Variants in RPRD2 observed in about 807,000 individuals in gnomAD.
The protein encoded by RPRD2 is regulation of nuclear pre-mRNA domain-containing protein 2.
RPRD2 carries 12 observed loss-of-function variants against 104.4 expected under a neutral mutation model. That is an observed-to-expected ratio of 0.11 (90% confidence interval 0.07 to 0.19). The LOEUF (loss-of-function observed/expected upper bound fraction) is 0.19, where lower values mean the gene tolerates loss of function less well. Ranked by LOEUF, RPRD2 falls within the 10% of genes least tolerant of loss-of-function variation. The pLI, the probability that RPRD2 is intolerant of heterozygous loss-of-function variation, is 1.00. For missense variants in RPRD2, 1,543 were observed against 1,790.1 expected (o/e 0.86, Z 2.49); for synonymous variants, 714 against 684.9 (o/e 1.04, Z -0.66).
In RPRD2 at chr1:150,364,580, G is replaced by A. The variant is rs1659679708; in HGVS notation, c.-135G>A. 1 of 602,602 alleles carries A rather than the reference G, an allele frequency of 1.7e-6. No homozygotes were observed. Among genetic ancestry groups the A allele is most frequent in the South Asian group, 2.0e-5 (1 of 49,044 alleles). The allele number at this position is 602,602 out of a possible 1,614,324, so 37.3% of individuals were successfully genotyped here. ...CCGTACCTCCAGAAGAGCCCAGCGC[G>A]TGCACCATCCCCACCCCCTAGCTTC... On this transcript the variant is annotated 5_prime_UTR_variant, in exon 1 of 11. It adds an upstream start codon to the 5' untranslated region. Transcript: ENST00000369068.
In RPRD2 at chr1:150,474,614, G is replaced by A. The variant is rs928367120; in HGVS notation, c.*1280G>A. 1 of 152,036 alleles carries A rather than the reference G, an allele frequency of 6.6e-6. No homozygotes were observed. Among genetic ancestry groups the A allele is most frequent in the Non-Finnish European group, 1.5e-5 (1 of 68,012 alleles). The allele number at this position is 152,036 out of a possible 1,614,324, so 9.4% of individuals were successfully genotyped here. Reference sequence around the variant, plus strand: ...TTTGTATTTCTACATCTAGTACTTGGGAAATAGACAATCACTGTACTTTGA... The same window carrying A: ...TTTGTATTTCTACATCTAGTACTTGAGAAATAGACAATCACTGTACTTTGA... On this transcript the variant is annotated 3_prime_UTR_variant, in exon 11 of 11. Coordinates refer to ENST00000369068, the MANE Select transcript of RPRD2 (RefSeq NM_015203.5).
intron 7 of RPRD2, among the ~76,000 whole-genome samples, chr1:150,450,587 C>G (rs1304281321): frequency 2.9e-5 from 3 of 102,158 alleles, no homozygotes; most frequent in Non-Finnish European, 5.5e-5. Context: ...GCCTGGGCGA[C>G]AGAGCAAGAC....
intron 2 of RPRD2, among the ~76,000 whole-genome samples, chr1:150,418,817 A>G (rs890853748): frequency 2.6e-5 from 4 of 152,190 alleles, no homozygotes; most frequent in Non-Finnish European, 5.9e-5. Flanking sequence ...GATCAAGACC[A>G]TCAAGAGATG....
intron 1 of RPRD2, among the ~76,000 whole-genome samples, chr1:150,380,846 G>A (rs782365693): frequency 1.5e-4 from 23 of 151,928 alleles, no homozygotes; most frequent in Non-Finnish European, 3.2e-4. Flanking sequence ...TAGTAGAGAC[G>A]GGGTTTCACC....
chr1:150,442,064 G>T, intron 4 of RPRD2, 106 bp downstream of exon 4: 20 of 695,724 alleles, frequency 2.9e-5, no homozygotes, highest in Non-Finnish European at 3.6e-5. Context: ...GGGCAAGCCT[G>T]TTTTCCAGGT....
chr1:150,460,819 C>G (rs1316954783), intron 9 of RPRD2, among the ~76,000 whole-genome samples: 1 of 151,412 alleles, frequency 6.6e-6, no homozygotes, highest in Non-Finnish European at 1.5e-5. Context: ...GCCTCCATCT[C>G]CCAGGTTCAA....
intron 1 of RPRD2, among the ~76,000 whole-genome samples, chr1:150,399,425 C>G (rs1473483154): frequency 6.6e-6 from 1 of 152,138 alleles, no homozygotes; most frequent in South Asian, 2.1e-4. Context: ...CCAGTCCTTT[C>G]ATCATTAAAT....
intron 2 of RPRD2, among the ~76,000 whole-genome samples, chr1:150,435,566 A>G (rs587646727): frequency 1.3e-3 from 195 of 152,348 alleles, no homozygotes; most frequent in Non-Finnish European, 2.1e-3. Flanking sequence ...TGGCCTGGAT[A>G]GAAGATCAAG....
At chr1:150,453,941 C>T (rs1179324593) in intron 7 of RPRD2, among the ~76,000 whole-genome samples, 1 of 152,140 alleles carries the variant, frequency 6.6e-6, no homozygotes, top group African/African-American at 2.4e-5. Context: ...AGCCTTGTTC[C>T]ACCTCTGGTT....
chr1:150,369,221 TG>T (rs1553877764), intron 1 of RPRD2, among the ~76,000 whole-genome samples: 1 of 152,192 alleles, frequency 6.6e-6, no homozygotes, highest in East Asian at 1.9e-4. Context: ...TGGAGGCATA[TG>T]GACTTGATGT....
At chr1:150,408,150 T>A in intron 1 of RPRD2, among the ~76,000 whole-genome samples, 1 of 149,122 alleles carries the variant, frequency 6.7e-6, no homozygotes, top group East Asian at 1.9e-4. Context: ...TTTTAAAATA[T>A]TCATATGATT....
At chr1:150,433,146 A>C (rs1404567978) in intron 2 of RPRD2, among the ~76,000 whole-genome samples, 3 of 152,096 alleles carry the variant, frequency 2.0e-5, no homozygotes, top group African/African-American at 7.2e-5. Context: ...TGTACCCATA[A>C]AAATTTTTTT....
chr1:150,450,033 ATCTTATC>A, intron 7 of RPRD2, among the ~76,000 whole-genome samples: 1 of 151,960 alleles, frequency 6.6e-6, no homozygotes, highest in East Asian at 1.9e-4. Context: ...ATTCTGTTGA[ATCTTATC>A]TATGATTAAA....
chr1:150,472,417 G>A lies in RPRD2; in HGVS notation c.3469G>A (p.Gly1157Arg), dbSNP rs748820473. The stretch of plus-strand genomic sequence containing the variant: ...GGCATCCCTTGGGGGTGGGGGCAGC[G>A]GAGGCCTCACTGGCTTTAAAACAGC... ...ELASLGGGGS[G>R]GLTGFKTAPY... The change falls in exon 11 of 11, where the codon GGA (glycine) becomes AGA (arginine). Residue 1157 changes from glycine (G) to arginine (R), a missense_variant. Around this residue, in one of 4 missense-constraint regions of RPRD2, gnomAD observed 880 missense variants for 885.6 expected, o/e 0.99. Coordinates refer to ENST00000369068, the MANE Select transcript of RPRD2 (RefSeq NM_015203.5). 58 of 1,613,816 alleles carry A rather than the reference G, an allele frequency of 3.6e-5. No individual in the cohort carries two copies. The Admixed American group carries it at 4.8e-4, about 13-fold the overall frequency.
intron 1 of RPRD2, 81 bp from the exon 2 acceptor site, chr1:150,417,515 G>T: frequency 8.8e-7 from 1 of 1,137,302 alleles, no homozygotes; most frequent in Non-Finnish European, 1.2e-6. Context: ...GTTACAGTTT[G>T]AGAACACTGT....
chr1:150,387,567 CTTTTTTTTTTTTTTTTTTTTTTTTTT>C (rs562476167), intron 1 of RPRD2, among the ~76,000 whole-genome samples: 11 of 73,742 alleles, frequency 1.5e-4, no homozygotes, highest in African/African-American at 5.2e-4. Flanking sequence ...TGCAACAGAC[CTTTTTTTTTTTTTTTTTTTTTTTTTT>C]TTTTTTTTTT....
intron 1 of RPRD2, among the ~76,000 whole-genome samples, chr1:150,392,019 C>T (rs1662112647): frequency 6.6e-6 from 1 of 151,596 alleles, no homozygotes; most frequent in Non-Finnish European, 1.5e-5. Flanking sequence ...GTGTGTTGCT[C>T]AAGGCCCATC....
At chr1:150,444,102 A>C in intron 5 of RPRD2, 149 bp from the exon 6 acceptor site, 2 of 676,022 alleles carry the variant, frequency 3.0e-6, no homozygotes, top group Non-Finnish European at 4.8e-6. Context: ...CCATGAGAAA[A>C]AGTGAAAAGT....
In RPRD2 at chr1:150,473,093, C is replaced by A. The variant is rs372325827; in HGVS notation, c.4145C>A (p.Pro1382His). 9 of 1,614,010 alleles carry A rather than the reference C, an allele frequency of 5.6e-6. No individual in the cohort carries two copies. Among genetic ancestry groups the A allele is most frequent in the Non-Finnish European group, 7.6e-6 (9 of 1,179,872 alleles). Residue 1382 changes from proline (P) to histidine (H), a missense_variant, in exon 11 of 11, where the codon CCC (proline) becomes CAC (histidine). Physicochemically the swap from Pro to His is moderately conservative, Grantham distance 77. Around this residue, in one of 4 missense-constraint regions of RPRD2, gnomAD observed 880 missense variants for 885.6 expected, o/e 0.99. Transcript: ENST00000369068. ...CATTCTCTGGAACACCTGGGCCCAC[C>A]CCATGGAGGAGGAGGTGGGGGAGGC... ...PSHSLEHLGP[P>H]HGGGGGGGSN... is the part of the protein sequence containing the mutation.
Sources: gnomAD v4.1 joint callset for allele counts (sites outside exome capture counted in the v4.1 genomes callset) on GRCh38, gnomAD v4.1.1 for gene constraint, gnomAD v4.1.1 regional missense constraint, MANE v1.5 for transcripts, NCBI Gene and HGNC (gene_info 2026-07-23, HGNC 2026-07-21) for gene names.